The following SLC35F4 variants were observed in gnomAD, a reference collection of about 807,000 sequenced individuals.
The protein encoded by SLC35F4 is chromosome 14 open reading frame 36.
A neutral mutation model predicts 44.2 loss-of-function variants in SLC35F4; 24 were observed. That is an observed-to-expected ratio of 0.54 (90% CI 0.39 to 0.76). The LOEUF is 0.76. Among genes scored for constraint, SLC35F4 ranks in the 30% least tolerant of loss-of-function variants. The pLI is 0.00. For missense variants in SLC35F4, 562 were observed against 586.1 expected (o/e 0.96, Z 0.42); for synonymous variants, 238 against 223.6 (o/e 1.06, Z -0.57).
chr14:57,869,181 G>T (rs7160271), upstream of SLC35F4, among the ~76,000 whole-genome samples: 69,400 of 150,986 alleles, frequency 0.46, 18,900 homozygotes, highest in African/African-American at 0.76. Flanking sequence ...ATACAATTAG[G>T]TATTCACGTG....
At chr14:57,933,358 T>C (rs1889735299) in intron 1 of SLC35F4, among the ~76,000 whole-genome samples, 1 of 152,138 alleles carries the variant, frequency 6.6e-6, no homozygotes, top group Admixed American at 6.5e-5. Flanking sequence ...AAGTTTGGTG[T>C]CTCATCCAAA....
intron 1 of SLC35F4, among the ~76,000 whole-genome samples, chr14:57,891,223 C>T (rs184473450): frequency 6.6e-6 from 1 of 152,202 alleles, no homozygotes; most frequent in Admixed American, 6.5e-5. Flanking sequence ...GTTTCTTGTG[C>T]CTAAGATCTT....
rs543905034 is a variant in SLC35F4 at position 57,563,988 on chromosome 14, T to G, written c.*147A>C. On this transcript the variant is annotated 3_prime_UTR_variant, in exon 8 of 8. Coordinates refer to ENST00000556826, the MANE Select transcript of SLC35F4 (RefSeq NM_001306087.2). ...TTACACCAATTCCTTGATAAGCATA[T>G]AAATGTAAACTTTTATTGTTGGCAT... The G allele has an allele frequency of 1.2e-6, 1 of 843,092 alleles. No individual in the cohort carries two copies. The highest frequency in any genetic ancestry group is 1.7e-5 in the African/African-American group (1 of 58,406). The allele number at this position is 843,092 out of a possible 1,614,324, so 52.2% of individuals were successfully genotyped here. A position where few individuals can be genotyped will look rare whatever the true frequency, so the allele number is the denominator to read the frequency against.
chr14:57,774,414 G>A (rs1269253225), intron 1 of SLC35F4, among the ~76,000 whole-genome samples: 1 of 152,198 alleles, frequency 6.6e-6, no homozygotes, highest in African/African-American at 2.4e-5. Flanking sequence ...GGTAGGGGCA[G>A]AACTCCAACT....
rs147165681 is a variant in SLC35F4 at position 57,918,180 on chromosome 14, A to G, written n.282+63733T>C. Among the ~76,000 whole-genome samples, 6 of 152,260 alleles carry G rather than the reference A, an allele frequency of 3.9e-5. No individual in the cohort carries two copies. In the East Asian group the frequency reaches 1.2e-3, roughly 29 times the overall value. ...AAGCATGAGAGGATTTTTCTCTGATACTTACTGTGAGAACCTGATCGAGCT... is the reference window on the plus strand; with the variant it reads ...AAGCATGAGAGGATTTTTCTCTGATGCTTACTGTGAGAACCTGATCGAGCT... On this transcript the variant is annotated intron_variant and non_coding_transcript_variant, in intron 1 of 1. Transcript: ENST00000556568.
At chr14:57,879,672 C>G (rs1206338417) in intron 1 of SLC35F4, among the ~76,000 whole-genome samples, 1 of 152,104 alleles carries the variant, frequency 6.6e-6, no homozygotes, top group African/African-American at 2.4e-5. Flanking sequence ...CAAGCACATC[C>G]TCCATTAAAA....
chr14:57,589,367 T>A lies in SLC35F4; in HGVS notation c.436A>T (p.Thr146Ser), dbSNP rs769418504. 1.9e-6 allele frequency: 3 copies of A among 1,613,864 alleles called. No individual in the cohort carries two copies. In the African/African-American group the frequency reaches 4.0e-5, roughly 22 times the overall value. Residue 146 changes from threonine to serine, a missense_variant, in exon 3 of 8, where the codon ACA (threonine) becomes TCA (serine). Transcript: ENST00000556826. Reference sequence around the variant, plus strand: ...TTATAAGTAATTTTTACAATCTGTGTAGTTCCAACCCAAGATGATGATACT... The same window carrying A: ...TTATAAGTAATTTTTACAATCTGTGAAGTTCCAACCCAAGATGATGATACT... ...LSVSSSWVGT[T>S]QIVKITYKNF...
chr14:57,687,687 C>T (rs2075107191), intron 1 of SLC35F4, among the ~76,000 whole-genome samples: 1 of 152,272 alleles, frequency 6.6e-6, no homozygotes, highest in Middle Eastern at 3.4e-3. Context: ...GCAAGACATA[C>T]ACAGAGGCAG....
chr14:57,933,585 C>T (rs537436612), intron 1 of SLC35F4, among the ~76,000 whole-genome samples: 2 of 152,254 alleles, frequency 1.3e-5, no homozygotes, highest in Non-Finnish European at 2.9e-5. Context: ...GCTGAGTCAG[C>T]CAAGAAGGGG....
At chr14:57,571,543 A>G (rs907766873) in intron 5 of SLC35F4, among the ~76,000 whole-genome samples, 1 of 152,214 alleles carries the variant, frequency 6.6e-6, no homozygotes, top group African/African-American at 2.4e-5. Flanking sequence ...TGCCTGATAA[A>G]TGAGGGATTA....
chr14:57,755,735 A>G (rs376566725), intron 1 of SLC35F4, among the ~76,000 whole-genome samples: 4 of 111,278 alleles, frequency 3.6e-5, no homozygotes, highest in African/African-American at 1.4e-4. Context: ...CTGCAGTTTT[A>G]CTAAATTGCT....
chr14:57,707,395 ATG>A, intron 1 of SLC35F4, among the ~76,000 whole-genome samples: 1 of 152,254 alleles, frequency 6.6e-6, no homozygotes, highest in East Asian at 1.9e-4. Context: ...GTGAGTTCTC[ATG>A]AGATCTGATC....
chr14:57,910,661 T>C (rs1889200368), intron 1 of SLC35F4, among the ~76,000 whole-genome samples: 1 of 152,050 alleles, frequency 6.6e-6, no homozygotes, highest in Non-Finnish European at 1.5e-5. Flanking sequence ...TTTTGCCAAA[T>C]ACACACTGTT....
At chr14:57,811,797 T>A (rs1392835356) in intron 1 of SLC35F4, among the ~76,000 whole-genome samples, 1 of 152,080 alleles carries the variant, frequency 6.6e-6, no homozygotes, top group Non-Finnish European at 1.5e-5. Flanking sequence ...CTGGGCATCA[T>A]AGTGAGACCC....
At chr14:57,605,533 A>G (rs1467649098) in intron 1 of SLC35F4, among the ~76,000 whole-genome samples, 1 of 152,154 alleles carries the variant, frequency 6.6e-6, no homozygotes, top group Non-Finnish European at 1.5e-5. Flanking sequence ...CAATCACTGT[A>G]GAGAGCAACT....
intron 1 of SLC35F4, chr14:57,630,694 A>G (rs2072725951): frequency 3.4e-6 from 2 of 588,612 alleles, no homozygotes; most frequent in East Asian, 3.2e-5. Flanking sequence ...CATTGACAGT[A>G]TAAACCATGA....
chr14:57,957,394 A>C (rs571967631), intron 1 of SLC35F4, among the ~76,000 whole-genome samples: 1 of 151,864 alleles, frequency 6.6e-6, no homozygotes, highest in Admixed American at 6.5e-5. Flanking sequence ...CTAGGTAACA[A>C]AACTGCACGT....
At chr14:57,658,101 G>C (rs2074026072) in intron 1 of SLC35F4, among the ~76,000 whole-genome samples, 1 of 152,034 alleles carries the variant, frequency 6.6e-6, no homozygotes, top group Admixed American at 6.6e-5. Context: ...TTTTCTCCCT[G>C]GTGATTTCAT....
chr14:57,899,781 C>T (rs1263596114), intron 1 of SLC35F4, among the ~76,000 whole-genome samples: 5 of 152,060 alleles, frequency 3.3e-5, no homozygotes, highest in Admixed American at 2.0e-4. Flanking sequence ...TGGTTCCTGC[C>T]GGTGGGTTCG....
Sources: gnomAD v4.1 joint callset for allele counts (sites outside exome capture counted in the v4.1 genomes callset) on GRCh38, gnomAD v4.1.1 for gene constraint, MANE v1.5 for transcripts, NCBI Gene and HGNC (gene_info 2026-07-23, HGNC 2026-07-21) for gene names.